Variants in KIF5C observed in about 807,000 individuals in gnomAD.
KIF5C encodes the protein kinesin family member 5C.
In KIF5C, 18 loss-of-function variants were observed where a neutral mutation model predicts 125.2. That is an observed-to-expected ratio of 0.14 (90% CI 0.10 to 0.21). The LOEUF is 0.21. Ranked by LOEUF, KIF5C falls within the 10% of genes least tolerant of loss-of-function variation. KIF5C has a pLI of 1.00. For missense variants in KIF5C, 780 were observed against 1,183.8 expected (o/e 0.66, Z 5.01); for synonymous variants, 405 against 434.0 (o/e 0.93, Z 0.83).
chr2:148,930,042 T>G (rs1035082736), intron 3 of KIF5C, among the ~76,000 whole-genome samples: 4 of 152,178 alleles, frequency 2.6e-5, no homozygotes, highest in Non-Finnish European at 5.9e-5. Context: ...GTAAAATATT[T>G]GTTAGTATTT....
At chr2:148,933,029 T>C (rs1682214420) in intron 3 of KIF5C, among the ~76,000 whole-genome samples, 1 of 152,142 alleles carries the variant, frequency 6.6e-6, no homozygotes, top group South Asian at 2.1e-4. Context: ...CCTATTTGCT[T>C]TCCGGGAGAA....
rs1682435014 is a variant in KIF5C, at chr2:148,942,670, C to T, written c.502-3C>T. ...TGGTGAACCTGAACTGATTCTCTTC[C>T]AGGGGTGCACTGAGCGGTTTGTGTC... On this transcript the variant is annotated splice_polypyrimidine_tract_variant and splice_region_variant and intron_variant, in intron 6 of 25. Transcript: ENST00000435030. The T allele has an allele frequency of 6.2e-7, 1 of 1,608,138 alleles. No individual in the cohort carries two copies. Among genetic ancestry groups the T allele is most frequent in the Admixed American group, 1.7e-5 (1 of 59,274 alleles).
intron 1 of KIF5C, among the ~76,000 whole-genome samples, chr2:148,886,581 C>T (rs564221811): frequency 7.2e-6 from 1 of 138,514 alleles, no homozygotes; most frequent in Non-Finnish European, 1.6e-5. Flanking sequence ...CAGACTTGCC[C>T]ACCCAGCATG....
chr2:148,911,884 T>C (rs1681353281), intron 1 of KIF5C, among the ~76,000 whole-genome samples: 1 of 152,146 alleles, frequency 6.6e-6, no homozygotes, highest in African/African-American at 2.4e-5. Flanking sequence ...CCTAGGCTAG[T>C]TGTGAAGGAA....
chr2:148,949,717 C>T, intron 8 of KIF5C, 122 bp from the exon 9 acceptor site: 2 of 1,364,424 alleles, frequency 1.5e-6, no homozygotes, highest in Non-Finnish European at 2.0e-6. Context: ...TGGGTCTTCT[C>T]TACTTTTATT....
At chr2:148,929,871 A>G (rs1195457448) in intron 3 of KIF5C, among the ~76,000 whole-genome samples, 1 of 152,158 alleles carries the variant, frequency 6.6e-6, no homozygotes, top group East Asian at 1.9e-4. Context: ...ACACAATTCA[A>G]ATTTTCCATC....
At chr2:148,897,700 C>T (rs1034184819) in intron 1 of KIF5C, among the ~76,000 whole-genome samples, 4 of 151,882 alleles carry the variant, frequency 2.6e-5, no homozygotes, top group Non-Finnish European at 5.9e-5. Flanking sequence ...AGGTGGATCA[C>T]TTGCAGTCAG....
In KIF5C at chr2:149,010,309, C is replaced by T. The variant is rs1212685158; in HGVS notation, c.2725C>T (p.Arg909Trp). ...GGTGGATCGTATCAAGGAGGCCGTG[C>T]GGGCCAAGAACATGGCCAGAAGGGC... ...QEVDRIKEAV[R>W]AKNMARRAHS... is the part of the protein sequence containing the mutation. The change falls in exon 24 of 26, where the codon CGG (arginine) becomes TGG (tryptophan). Residue 909 changes from arginine to tryptophan, a missense_variant. Physicochemically the swap from Arg to Trp is moderately radical, Grantham distance 101. Transcript: ENST00000435030. 2.5e-6 allele frequency: 4 copies of T among 1,593,442 alleles called. No homozygotes were observed. Among genetic ancestry groups the T allele is most frequent in the Non-Finnish European group, 3.4e-6 (4 of 1,170,512 alleles).
At chr2:148,989,621 C>G (rs1200680758) in intron 15 of KIF5C, among the ~76,000 whole-genome samples, 1 of 152,222 alleles carries the variant, frequency 6.6e-6, no homozygotes. Context: ...AAAGCATTCC[C>G]TGTTCATCAC....
chr2:148,889,814 C>T (rs1015408328), intron 1 of KIF5C, among the ~76,000 whole-genome samples: 1 of 152,186 alleles, frequency 6.6e-6, no homozygotes, highest in Non-Finnish European at 1.5e-5. Flanking sequence ...ACATCATCCT[C>T]TGGGCATCAC....
intron 25 of KIF5C, among the ~76,000 whole-genome samples, chr2:149,012,257 A>C (rs1296076790): frequency 6.6e-6 from 1 of 152,234 alleles, no homozygotes; most frequent in East Asian, 1.9e-4. Flanking sequence ...CCCAGCAAAA[A>C]GAAAAGGAAC....
At chr2:148,994,568 A>G (rs749336380) in intron 17 of KIF5C, 30 bp downstream of exon 17, 75 of 1,549,790 alleles carry the variant, frequency 4.8e-5, no homozygotes, top group Non-Finnish European at 6.4e-5. Flanking sequence ...GCAGGTGTCA[A>G]ACACCTGGCC....
Position 148,875,589 on chromosome 2 carries a change from C to CCCCTGGCCCCCCCCCACCCCCCG in KIF5C, c.-27_-26insCTGGCCCCCCCCCACCCCCCGCC. ...TCCCGGCCCCGGCCCCCCACCCATC[C>CCCCTGGCCCCCCCCCACCCCCCG]CCGTGCCCCCTCCCTACCGCCGGCC... On this transcript the variant is annotated 5_prime_UTR_variant, in exon 1 of 26. Transcript: ENST00000435030. 7.9e-7 allele frequency: 1 copy of CCCCTGGCCCCCCCCCACCCCCCG among 1,258,244 alleles called. No individual in the cohort carries two copies. 77.9% of individuals were successfully genotyped at this position (1,258,244 alleles called of 1,614,324 possible). A position where few individuals can be genotyped will look rare whatever the true frequency, so the allele number is the denominator to read the frequency against.
chr2:148,982,188 CTTGT>C (rs1218918926), intron 14 of KIF5C, among the ~76,000 whole-genome samples: 1 of 152,190 alleles, frequency 6.6e-6, no homozygotes, highest in Admixed American at 6.5e-5. Flanking sequence ...CTAAGCTGCC[CTTGT>C]TTGTTTGTTT....
At position 149,010,207 on chromosome 2, in the gene KIF5C, C is replaced by G; in HGVS notation, c.2623C>G (p.Arg875Gly). 6.4e-7 allele frequency: 1 copy of G among 1,559,756 alleles called. No individual in the cohort carries two copies. Among genetic ancestry groups the G allele is most frequent in the South Asian group, 1.2e-5 (1 of 84,350 alleles). ...LEKRLRATAE[R>G]VKALESALKE... ...GAAGCGGCTGCGTGCCACGGCGGAG[C>G]GCGTCAAGGCTCTGGAGAGCGCGCT... Residue 875 changes from arginine (R) to glycine (G), a missense_variant, in exon 24 of 26, where the codon CGC becomes GGC. Arg to Gly is a moderately radical substitution (Grantham distance 125). Around this residue, in one of 2 missense-constraint regions of KIF5C, gnomAD observed 573 missense variants for 742.6 expected, o/e 0.77. Transcript: ENST00000435030.
chr2:148,875,269 G>T lies in KIF5C; in HGVS notation c.-349G>T. 1 of 213,332 alleles carries T rather than the reference G, an allele frequency of 4.7e-6. No individual in the cohort carries two copies. Among genetic ancestry groups the T allele is most frequent in the Non-Finnish European group, 9.3e-6 (1 of 108,088 alleles). 13.2% of individuals were successfully genotyped at this position (213,332 alleles called of 1,614,324 possible). ...ATGCAGGATGGCTGAGCGCGCAGGA[G>T]CCCGGGAGGTCTGAGCCGGGCGAGG... On this transcript the variant is annotated 5_prime_UTR_variant, in exon 1 of 26. Transcript: ENST00000435030.
At chr2:148,928,890 G>C (rs1473457053) in intron 2 of KIF5C, among the ~76,000 whole-genome samples, 1 of 152,124 alleles carries the variant, frequency 6.6e-6, no homozygotes, top group African/African-American at 2.4e-5. Context: ...AAGAAATTCT[G>C]TTCTTCATCT....
intron 1 of KIF5C, chr2:148,883,854 G>C (rs766488917): frequency 1.2e-4 from 18 of 151,812 alleles, no homozygotes; most frequent in Non-Finnish European, 2.1e-4. Context: ...CCTCCTTGTG[G>C]ACTTGCCCAA....
At chr2:148,917,255 C>T (rs527807969) in intron 1 of KIF5C, among the ~76,000 whole-genome samples, 22 of 152,182 alleles carry the variant, frequency 1.4e-4, no homozygotes, top group Non-Finnish European at 2.4e-4. Context: ...CCACAGGCTA[C>T]AGTAGGGATC....
Sources: gnomAD v4.1 joint callset for allele counts (sites outside exome capture counted in the v4.1 genomes callset) on GRCh38, gnomAD v4.1.1 for gene constraint, gnomAD v4.1.1 regional missense constraint, MANE v1.5 for transcripts, NCBI Gene and HGNC (gene_info 2026-07-23, HGNC 2026-07-21) for gene names.